Variants in RFPL4B observed in about 807,000 individuals in gnomAD.
RFPL4B encodes ret finger protein-like 4B.
For missense variants in RFPL4B, 314 were observed against 327.7 expected (o/e 0.96, Z 0.32); for synonymous variants, 118 against 126.3 (o/e 0.93, Z 0.44).
intron 1 of RFPL4B, among the ~76,000 whole-genome samples, chr6:112,348,927 A>AT (rs1398566141): frequency 6.6e-6 from 1 of 152,170 alleles, no homozygotes; most frequent in African/African-American, 2.4e-5. Context: ...GATGACTATT[A>AT]TATTTTTATT....
chr6:112,350,096 CCCAGGCTGG>C lies in RFPL4B; in HGVS notation c.391_399del (p.Arg131_Ala133del). ...GATCCACCACGATCTGACAAAAGAT[CCCAGGCTGG>C]CCTGTGTCCTGGGTACTCCCTGCTT... On this transcript the variant is annotated inframe_deletion, in exon 3 of 3. Transcript: ENST00000441065. The C allele has an allele frequency of 6.2e-7, 1 of 1,614,218 alleles. No homozygotes were observed. The highest frequency in any genetic ancestry group is 1.1e-5 in the South Asian group (1 of 91,084).
chr6:112,347,330 G>T lies in RFPL4B; in HGVS notation c.-312G>T, dbSNP rs931096428. The T allele has an allele frequency of 6.6e-6, 1 of 152,184 alleles. No individual in the cohort carries two copies. Among genetic ancestry groups the T allele is most frequent in the Non-Finnish European group, 1.5e-5 (1 of 68,050 alleles). 9.4% of individuals were successfully genotyped at this position (152,184 alleles called of 1,614,324 possible). A position where few individuals can be genotyped will look rare whatever the true frequency, so the allele number is the denominator to read the frequency against. ...GCTGGTGTCTCTCCGCGGAAACTCC[G>T]AGAGGAGCAGAGGTCTGTAGAGGTA... On this transcript the variant is annotated 5_prime_UTR_variant, in exon 1 of 3. Coordinates refer to ENST00000441065, the MANE Select transcript of RFPL4B (RefSeq NM_001013734.3).
In RFPL4B at chr6:112,350,453, C is replaced by T; in HGVS notation, c.745C>T (p.Leu249Phe). 6.2e-7 allele frequency: 1 copy of T among 1,607,608 alleles called. No individual in the cohort carries two copies. The highest frequency in any genetic ancestry group is 1.3e-5 in the African/African-American group (1 of 74,888). Reference sequence around the variant, plus strand: ...TTTGTGTCCATTCTTCTGTCTTGAGCTCTTGGGAGAAGGGGAGAGTGGCAA... The same window carrying T: ...TTTGTGTCCATTCTTCTGTCTTGAGTTCTTGGGAGAAGGGGAGAGTGGCAA... The part of the protein sequence containing the change: ...ELLCPFFCLE[L>F]LGEGESGNVL... Residue 249 changes from leucine to phenylalanine, a missense_variant, in exon 3 of 3, where the codon CTC (leucine) becomes TTC (phenylalanine). Transcript: ENST00000441065.
rs764801751 is a variant in RFPL4B at position 112,351,251 on chromosome 6, T to A, written c.*751T>A. ...TTTTCAAGGTTGCTTTTGGATTTTT[T>A]ATTTGTAGAATTTATTTTCTTGCAA... On this transcript the variant is annotated 3_prime_UTR_variant, in exon 3 of 3. Coordinates refer to ENST00000441065, the MANE Select transcript of RFPL4B (RefSeq NM_001013734.3). 6.0e-6 allele frequency: 1 copy of A among 166,464 alleles called. No homozygotes were observed. Among genetic ancestry groups the A allele is most frequent in the Non-Finnish European group, 1.5e-5 (1 of 68,114 alleles). 10.3% of individuals were successfully genotyped at this position (166,464 alleles called of 1,614,324 possible). A position where few individuals can be genotyped will look rare whatever the true frequency, so the allele number is the denominator to read the frequency against.
At position 112,349,929 on chromosome 6, in the gene RFPL4B, A is replaced by C; in HGVS notation, c.221A>C (p.Lys74Thr). Reference protein sequence around the residue: ...WQVSVLTLMTKQHNSRLEQSL... With the variant: ...WQVSVLTLMTTQHNSRLEQSL... ...GTGAGCGTCCTAACACTTATGACCA[A>C]GCAGCACAATAGCCGACTTGAGCAA... The change falls in exon 3 of 3, where the codon AAG becomes ACG. Residue 74 changes from lysine (K) to threonine (T), a missense_variant. Lys to Thr is a moderately conservative substitution (Grantham distance 78, BLOSUM62 -1). Coordinates refer to ENST00000441065, the MANE Select transcript of RFPL4B (RefSeq NM_001013734.3). 1 of 1,614,230 alleles carries C rather than the reference A, an allele frequency of 6.2e-7. No individual in the cohort carries two copies. The highest frequency in any genetic ancestry group is 8.5e-7 in the Non-Finnish European group (1 of 1,180,040).
chr6:112,349,904 G>T lies in RFPL4B; in HGVS notation c.196G>T (p.Val66Leu). 6.2e-7 allele frequency: 1 copy of T among 1,614,154 alleles called. No individual in the cohort carries two copies. The highest frequency in any genetic ancestry group is 2.2e-5 in the East Asian group (1 of 44,886). Residue 66 changes from valine (V) to leucine (L), a missense_variant, in exon 3 of 3, where the codon GTG becomes TTG. Coordinates refer to ENST00000441065, the MANE Select transcript of RFPL4B (RefSeq NM_001013734.3). ...GGTACCTGCTTTGGAAGAATGGCAA[G>T]TGAGCGTCCTAACACTTATGACCAA... ...VKVPALEEWQ[V>L]SVLTLMTKQH...
intron 2 of RFPL4B, 132 bp from the exon 3 acceptor site, chr6:112,349,472 G>A (rs1452821174): frequency 6.2e-6 from 1 of 160,592 alleles, no homozygotes; most frequent in Non-Finnish European, 1.3e-5. Context: ...TACACAAACT[G>A]CAGAAATATT....
intron 1 of RFPL4B, among the ~76,000 whole-genome samples, chr6:112,348,599 T>A (rs1240197042): frequency 6.6e-6 from 1 of 152,242 alleles, no homozygotes; most frequent in Non-Finnish European, 1.5e-5. Context: ...GTGTGATTTG[T>A]GGGTTCTTGG....
chr6:112,349,524 A>G (rs1789122730), intron 2 of RFPL4B, 80 bp from the exon 3 acceptor site: 2 of 193,856 alleles, frequency 1.0e-5, no homozygotes, highest in Admixed American at 6.0e-5. Context: ...TAAATTTATT[A>G]TTATTTATTA....
At position 112,350,205 on chromosome 6, in the gene RFPL4B, C is replaced by T. The variant is rs370521571; in HGVS notation, c.497C>T (p.Pro166Leu). 1.7e-4 allele frequency: 273 copies of T among 1,614,102 alleles called. 1 individual carries two copies. Among genetic ancestry groups the T allele is most frequent in the Non-Finnish European group, 2.1e-4 (247 of 1,180,026 alleles). Residue 166 changes from proline to leucine, a missense_variant, in exon 3 of 3, where the codon CCG becomes CTG. Physicochemically the swap from Pro to Leu is moderately conservative, Grantham distance 98 (BLOSUM62 -3). Coordinates refer to ENST00000441065, the MANE Select transcript of RFPL4B (RefSeq NM_001013734.3). ...KSWSLGVCKE[P>L]ADRKSNDLFP... ...TGGTCCCTGGGCGTCTGCAAGGAGC[C>T]GGCTGACAGAAAGAGCAATGATTTA...
chr6:112,350,466 G>T lies in RFPL4B; in HGVS notation c.758G>T (p.Gly253Val). 1 of 1,603,948 alleles carries T rather than the reference G, an allele frequency of 6.2e-7. No homozygotes were observed. Among genetic ancestry groups the T allele is most frequent in the Non-Finnish European group, 8.5e-7 (1 of 1,172,638 alleles). The change falls in exon 3 of 3, where the codon GGG (glycine) becomes GTG (valine). Residue 253 changes from glycine (G) to valine (V), a missense_variant. Gly to Val is a moderately radical substitution (Grantham distance 109). Coordinates refer to ENST00000441065, the MANE Select transcript of RFPL4B (RefSeq NM_001013734.3). ...TTCTGTCTTGAGCTCTTGGGAGAAGGGGAGAGTGGCAACGTCCTGACCATC... is the reference window on the plus strand; with the variant it reads ...TTCTGTCTTGAGCTCTTGGGAGAAGTGGAGAGTGGCAACGTCCTGACCATC... ...PFFCLELLGE[G>V]ESGNVLTICP is the part of the protein sequence containing the mutation.
rs759869304 is a variant in RFPL4B, at chr6:112,350,264, G to C, written c.556G>C (p.Ala186Pro). ...GCATGGCTTCTGGATCAGCATGAAG[G>C]CAGGAGCAATCCATGCTAACACCCA... The part of the protein sequence containing the change: ...PEHGFWISMK[A>P]GAIHANTHLE... Residue 186 changes from alanine (A) to proline (P), a missense_variant, in exon 3 of 3, where the codon GCA (alanine) becomes CCA (proline). Transcript: ENST00000441065. The C allele has an allele frequency of 3.7e-6, 6 of 1,614,202 alleles. No individual in the cohort carries two copies. In the South Asian group the frequency reaches 5.5e-5, roughly 15 times the overall value.
In RFPL4B at chr6:112,349,982, C is replaced by G; in HGVS notation, c.274C>G (p.His92Asp). The G allele has an allele frequency of 1.9e-6, 3 of 1,614,206 alleles. No individual in the cohort carries two copies. Among genetic ancestry groups the G allele is most frequent in the Non-Finnish European group, 2.5e-6 (3 of 1,180,034 alleles). ...QSLHVREELR[H>D]FREDVTLDAA... is the part of the protein sequence containing the mutation. The stretch of plus-strand genomic sequence containing the variant: ...TCTGCACGTGAGGGAGGAGCTCCGG[C>G]ATTTTCGGGAGGATGTGACCCTGGA... Residue 92 changes from histidine to aspartate, a missense_variant, in exon 3 of 3, where the codon CAT becomes GAT. Transcript: ENST00000441065.
chr6:112,350,667 G>A lies in RFPL4B; in HGVS notation c.*167G>A, dbSNP rs904846290. On this transcript the variant is annotated 3_prime_UTR_variant, in exon 3 of 3. Coordinates refer to ENST00000441065, the MANE Select transcript of RFPL4B (RefSeq NM_001013734.3). ...GCAAAACAATTTTCGGATTTTTGGG[G>A]TAAATTTTGTGGAATTTGTAGCTAG... 3.4e-6 allele frequency: 2 copies of A among 585,076 alleles called. No individual in the cohort carries two copies. Among genetic ancestry groups the A allele is most frequent in the Non-Finnish European group, 2.9e-6 (1 of 340,642 alleles). The allele number at this position is 585,076 out of a possible 1,614,324, so 36.2% of individuals were successfully genotyped here.
rs1789150105 is a variant in RFPL4B, at chr6:112,351,177, T to C, written c.*677T>C. ...TCAATAATTGGACTATTGTGATTTATAAGAATTCTTATCAACCATGTTAAC... is the reference window on the plus strand; with the variant it reads ...TCAATAATTGGACTATTGTGATTTACAAGAATTCTTATCAACCATGTTAAC... On this transcript the variant is annotated 3_prime_UTR_variant, in exon 3 of 3. Coordinates refer to ENST00000441065, the MANE Select transcript of RFPL4B (RefSeq NM_001013734.3). 1 of 167,110 alleles carries C rather than the reference T, an allele frequency of 6.0e-6. No homozygotes were observed. Among genetic ancestry groups the C allele is most frequent in the East Asian group, 1.9e-4 (1 of 5,200 alleles). The allele number at this position is 167,110 out of a possible 1,614,324, so 10.4% of individuals were successfully genotyped here. A position where few individuals can be genotyped will look rare whatever the true frequency, so the allele number is the denominator to read the frequency against.
In RFPL4B at chr6:112,351,111, A is replaced by G. The variant is rs1789149525; in HGVS notation, c.*611A>G. On this transcript the variant is annotated 3_prime_UTR_variant, in exon 3 of 3. Transcript: ENST00000441065. ...GAACTTTGACCAAAATGCATTGTTA[A>G]TGGTGATTCATATTCTTATGGGAAG... 6.0e-6 allele frequency: 1 copy of G among 167,124 alleles called. No homozygotes were observed. Among genetic ancestry groups the G allele is most frequent in the Admixed American group, 6.5e-5 (1 of 15,294 alleles). The allele number at this position is 167,124 out of a possible 1,614,324, so 10.4% of individuals were successfully genotyped here. A position where few individuals can be genotyped will look rare whatever the true frequency, so the allele number is the denominator to read the frequency against.
chr6:112,349,794 T>A lies in RFPL4B; in HGVS notation c.86T>A (p.Val29Glu). 6.2e-7 allele frequency: 1 copy of A among 1,614,154 alleles called. No individual in the cohort carries two copies. Among genetic ancestry groups the A allele is most frequent in the South Asian group, 1.1e-5 (1 of 91,086 alleles). ...TCCATTTCTCTCTCTTGTACACACG[T>A]GTTCTGCTTTGATTGCATCCAGAGG... ...SCSISLSCTH[V>E]FCFDCIQRYI... is the part of the protein sequence containing the mutation. Residue 29 changes from valine to glutamate, a missense_variant, in exon 3 of 3, where the codon GTG becomes GAG. Physicochemically the swap from Val to Glu is moderately radical, Grantham distance 121. Coordinates refer to ENST00000441065, the MANE Select transcript of RFPL4B (RefSeq NM_001013734.3).
At chr6:112,348,371 C>T (rs1488804047) in intron 1 of RFPL4B, among the ~76,000 whole-genome samples, 3 of 152,206 alleles carry the variant, frequency 2.0e-5, no homozygotes, top group East Asian at 1.9e-4. Flanking sequence ...TTATTACACA[C>T]GTTTGTGTTT....
intron 1 of RFPL4B, among the ~76,000 whole-genome samples, chr6:112,348,199 G>T (rs9374320): frequency 0.13 from 19,642 of 152,090 alleles, 1,725 homozygotes; most frequent in East Asian, 0.29. Context: ...GGTGGGTTAG[G>T]CAATTAGATT....
Sources: allele counts gnomAD v4.1 joint callset (sites outside exome capture counted in the v4.1 genomes callset), GRCh38; gene constraint gnomAD v4.1.1; transcripts MANE v1.5; gene names NCBI Gene and HGNC (gene_info 2026-07-23, HGNC 2026-07-21).